The following SAE1 variants were observed in gnomAD, a reference collection of about 807,000 sequenced individuals.
SAE1 encodes the protein SUMO1 activating enzyme subunit 1, also known as SUMO-activating enzyme subunit 1.
SAE1 carries 11 observed loss-of-function variants against 40.6 expected under a neutral mutation model. That is an observed-to-expected ratio of 0.27 (90% CI 0.17 to 0.45). The LOEUF is 0.45. Among genes scored for constraint, SAE1 ranks in the 20% least tolerant of loss-of-function variants. The pLI is 1.00. For synonymous variants in SAE1, 155 were observed against 154.3 expected, an observed-to-expected ratio of 1.00 and a Z score of -0.03; for missense variants, 373 against 427.3, an observed-to-expected ratio of 0.87 and a Z score of 1.12.
intron 5 of SAE1, 72 bp downstream of exon 5, chr19:47,155,285 G>A (rs942688334): frequency 9.4e-6 from 10 of 1,062,382 alleles, no homozygotes; most frequent in African/African-American, 1.6e-5. Flanking sequence ...CGATTGAAAA[G>A]GATAAGAGCA....
chr19:47,134,888 T>C (rs899651144), intron 1 of SAE1, among the ~76,000 whole-genome samples: 1 of 152,060 alleles, frequency 6.6e-6, no homozygotes, highest in African/African-American at 2.4e-5. Context: ...GTACCAAATT[T>C]GGTGGAGAAC....
intron 5 of SAE1, among the ~76,000 whole-genome samples, chr19:47,155,682 TC>T (rs2123219380): frequency 6.6e-6 from 1 of 150,666 alleles, no homozygotes; most frequent in Non-Finnish European, 1.5e-5. Flanking sequence ...CCTCAGGTGA[TC>T]CACCCGCCTC....
At chr19:47,165,088 T>TC (rs2058384391) in intron 5 of SAE1, among the ~76,000 whole-genome samples, 1 of 138,894 alleles carries the variant, frequency 7.2e-6, no homozygotes, top group Admixed American at 7.3e-5. Context: ...TTTTTTTTTT[T>TC]TTTTTTTTTT....
intron 1 of SAE1, among the ~76,000 whole-genome samples, chr19:47,134,994 G>A (rs1313091836): frequency 1.3e-5 from 2 of 152,066 alleles, no homozygotes; most frequent in African/African-American, 2.4e-5. Context: ...TTATTAAAGT[G>A]TTTTTTGTCC....
At chr19:47,203,123 T>A (rs1259594897) in intron 7 of SAE1, among the ~76,000 whole-genome samples, 1 of 152,188 alleles carries the variant, frequency 6.6e-6, no homozygotes, top group Non-Finnish European at 1.5e-5. Flanking sequence ...GGCAGGTGAC[T>A]GTGTCATCTA....
At chr19:47,143,250 C>A (rs572801421) in intron 1 of SAE1, among the ~76,000 whole-genome samples, 1 of 152,080 alleles carries the variant, frequency 6.6e-6, no homozygotes, top group African/African-American at 2.4e-5. Flanking sequence ...AGATTACAGG[C>A]GCCTGCCACT....
At chr19:47,187,375 C>G (rs1213364022) in intron 6 of SAE1, among the ~76,000 whole-genome samples, 2 of 152,186 alleles carry the variant, frequency 1.3e-5, no homozygotes, top group Non-Finnish European at 2.9e-5. Context: ...GTATCTGCTG[C>G]TGCTTTTTTC....
At chr19:47,153,212 G>T (rs935982942) in intron 4 of SAE1, among the ~76,000 whole-genome samples, 172 bp downstream of exon 4, 1 of 151,996 alleles carries the variant, frequency 6.6e-6, no homozygotes, top group African/African-American at 2.4e-5. Flanking sequence ...CAAAGTGCTG[G>T]GATTATAGGC....
chr19:47,196,428 A>G (rs1033194486), intron 6 of SAE1, among the ~76,000 whole-genome samples: 3 of 136,380 alleles, frequency 2.2e-5, no homozygotes, highest in Non-Finnish European at 3.0e-5. Context: ...CAGTGGCACA[A>G]TCTTGGTTCA....
intron 1 of SAE1, among the ~76,000 whole-genome samples, chr19:47,139,167 G>T (rs1228359104): frequency 2.6e-5 from 4 of 152,112 alleles, no homozygotes; most frequent in Admixed American, 2.0e-4. Flanking sequence ...GGCCAGGCTG[G>T]TCTCGAACTC....
chr19:47,185,746 C>T lies in SAE1; in HGVS notation c.734-11487C>T, dbSNP rs544534479. Among the ~76,000 whole-genome samples the T allele has an allele frequency of 4.6e-5, 7 of 151,742 alleles. No homozygotes were observed. The East Asian group carries it at 1.2e-3, about 26-fold the overall frequency. ...TCTCCTGAGTACCTGGGATTACAGA[C>T]GTGTGCCACCACACCCGGCTAATTT... On this transcript the variant is annotated intron_variant, in intron 6 of 8. Transcript: ENST00000270225.
At chr19:47,169,305 A>G (rs1341606449) in intron 5 of SAE1, among the ~76,000 whole-genome samples, 1 of 151,990 alleles carries the variant, frequency 6.6e-6, no homozygotes, top group Non-Finnish European at 1.5e-5. Flanking sequence ...GAGTGCAGTG[A>G]CGCGATCTTG....
chr19:47,140,867 T>A (rs2058217467), intron 1 of SAE1, among the ~76,000 whole-genome samples: 1 of 152,062 alleles, frequency 6.6e-6, no homozygotes, highest in Non-Finnish European at 1.5e-5. Context: ...TAATTTAATT[T>A]TTTTTGAGAC....
intron 6 of SAE1, among the ~76,000 whole-genome samples, chr19:47,189,411 A>G (rs1378100196): frequency 6.6e-6 from 1 of 152,058 alleles, no homozygotes; most frequent in African/African-American, 2.4e-5. Flanking sequence ...ATGTATATAA[A>G]TGAGCCGGGC....
At chr19:47,143,755 T>A (rs1214371704) in intron 2 of SAE1, 150 bp downstream of exon 2, 2 of 628,132 alleles carry the variant, frequency 3.2e-6, no homozygotes, top group African/African-American at 3.7e-5. Flanking sequence ...CTGAAGGTGC[T>A]ATTGTTGGGT....
chr19:47,143,751 G>T, intron 2 of SAE1, 146 bp downstream of exon 2: 2 of 635,574 alleles, frequency 3.1e-6, no homozygotes, highest in Non-Finnish European at 5.6e-6. Flanking sequence ...GAGACTGAAG[G>T]TGCTATTGTT....
chr19:47,201,771 T>C (rs1175440289), intron 7 of SAE1, among the ~76,000 whole-genome samples: 5 of 151,956 alleles, frequency 3.3e-5, no homozygotes, highest in Non-Finnish European at 5.9e-5. Context: ...GTATCTGGCA[T>C]TACAGCTGCC....
At chr19:47,169,537 G>A (rs1294008797) in intron 5 of SAE1, among the ~76,000 whole-genome samples, 3 of 152,242 alleles carry the variant, frequency 2.0e-5, no homozygotes, top group Admixed American at 6.5e-5. Context: ...GACCCACCGC[G>A]CCTGGCCCAG....
chr19:47,183,604 T>C (rs1417102571), intron 6 of SAE1, among the ~76,000 whole-genome samples: 1 of 152,016 alleles, frequency 6.6e-6, no homozygotes, highest in Non-Finnish European at 1.5e-5. Context: ...GCAACCTGCC[T>C]TGCTTTTTTT....
Sources: gnomAD v4.1 joint callset for allele counts (sites outside exome capture counted in the v4.1 genomes callset) on GRCh38, gnomAD v4.1.1 for gene constraint, MANE v1.5 for transcripts, NCBI Gene and HGNC (gene_info 2026-07-23, HGNC 2026-07-21) for gene names.